Variants in SIN3A observed in about 807,000 individuals in gnomAD.
SIN3A encodes the protein SIN3 transcription regulator family member A.
In SIN3A, 14 loss-of-function variants were observed where a neutral mutation model predicts 146.1. The observed-to-expected ratio is 0.10, with a 90% confidence interval of 0.06 to 0.15. The LOEUF (loss-of-function observed/expected upper bound fraction) is 0.15. Ranked by LOEUF, SIN3A falls within the 10% of genes least tolerant of loss-of-function variation. The pLI is 1.00. For missense variants in SIN3A, 1,028 were observed against 1,576.0 expected (o/e 0.65, Z 5.89); for synonymous variants, 572 against 572.0 (o/e 1.00, Z 0.00).
chr15:75,438,639 T>C (rs549696265), intron 1 of SIN3A, among the ~76,000 whole-genome samples: 2 of 151,850 alleles, frequency 1.3e-5, no homozygotes, highest in African/African-American at 2.4e-5. Context: ...CAGTGAGCTG[T>C]GATTATGCCA....
chr15:75,380,079 C>A (rs999017926), intron 19 of SIN3A, among the ~76,000 whole-genome samples: 2 of 152,172 alleles, frequency 1.3e-5, no homozygotes, highest in African/African-American at 2.4e-5. Context: ...TTGGTACATG[C>A]TAGGCATACA....
At chr15:75,375,635 T>C in intron 20 of SIN3A, 30 bp downstream of exon 20, 1 of 1,569,034 alleles carries the variant, frequency 6.4e-7, no homozygotes, top group Non-Finnish European at 8.8e-7. Context: ...GTGGGAGATG[T>C]GTACAGAAAT....
chr15:75,411,641 T>G lies in SIN3A; in HGVS notation c.859A>C (p.Thr287Pro). The G allele has an allele frequency of 6.2e-7, 1 of 1,614,202 alleles. No homozygotes were observed. Residue 287 changes from threonine to proline, a missense_variant, in exon 6 of 21, where the codon ACA becomes CCA. Physicochemically the swap from Thr to Pro is conservative, Grantham distance 38. This residue lies in a region of SIN3A where 112 missense variants were observed against 135.7 expected (regional missense o/e 0.83). Coordinates refer to ENST00000394947, the MANE Select transcript of SIN3A (RefSeq NM_001145358.2). ...SPPVQPHTPVTISLGTAPSLQ... is the reference protein window; with the variant it reads ...SPPVQPHTPVPISLGTAPSLQ... ...GATGGGGCCGTTCCCAACGAGATTGTCACTGGTGTGTGAGGCTGGACCGGC... is the reference window on the plus strand; with the variant it reads ...GATGGGGCCGTTCCCAACGAGATTGGCACTGGTGTGTGAGGCTGGACCGGC...
In SIN3A at chr15:75,380,451, G is replaced by A. The variant is rs111531204; in HGVS notation, c.3383+178C>T. ...ACAACTCTCACCTCCCAGATGCTTT[G>A]ACACATGCTCCAGGTAAGCTCATGT... On this transcript the variant is annotated intron_variant, in intron 19 of 20. Coordinates refer to ENST00000394947, the MANE Select transcript of SIN3A (RefSeq NM_001145358.2). Among the ~76,000 whole-genome samples the A allele has an allele frequency of 2.6e-3, 391 of 152,276 alleles. 1 individual carries two copies. The highest frequency in any genetic ancestry group is 9.2e-3 in the African/African-American group (381 of 41,554).
intron 3 of SIN3A, chr15:75,422,319 T>C (rs2073853492): frequency 1.7e-6 from 1 of 583,172 alleles, no homozygotes; most frequent in Non-Finnish European, 3.0e-6. Flanking sequence ...GCCAATCATA[T>C]ATGTGCTCAA....
chr15:75,427,898 G>C (rs2073953115), intron 2 of SIN3A, among the ~76,000 whole-genome samples: 1 of 151,324 alleles, frequency 6.6e-6, no homozygotes. Flanking sequence ...TTGAGCCCGG[G>C]AGGCAGAGGT....
At chr15:75,384,859 G>T (rs1456700390) in intron 16 of SIN3A, among the ~76,000 whole-genome samples, 2 of 152,168 alleles carry the variant, frequency 1.3e-5, no homozygotes, top group African/African-American at 4.8e-5. Flanking sequence ...TAGACAGAGA[G>T]TTGGGGCCAG....
intron 1 of SIN3A, among the ~76,000 whole-genome samples, chr15:75,441,950 C>A (rs1458845054): frequency 6.6e-6 from 1 of 151,708 alleles, no homozygotes; most frequent in Non-Finnish European, 1.5e-5. Context: ...GAAACCCCAT[C>A]TGTACCAAAA....
rs771442604 is a variant in SIN3A, at chr15:75,401,962, C to T, written c.1416G>A (p.Lys472=). ...TESLFFDKVR[K]ALRSAEAYEN... ...CGTAGGCTTCTGCACTCCGAAGAGC[C>T]TTTCGGACCTTATGGAGACAACGGG... The change falls in exon 10 of 21, where the codon AAG becomes AAA. Residue 472 remains lysine, a synonymous_variant. Transcript: ENST00000394947. 6 of 1,601,718 alleles carry T rather than the reference C, an allele frequency of 3.7e-6. No homozygotes were observed. The highest frequency in any genetic ancestry group is 3.3e-5 in the South Asian group (3 of 90,636).
intron 5 of SIN3A, among the ~76,000 whole-genome samples, chr15:75,412,061 T>C (rs1024818757): frequency 6.6e-6 from 1 of 152,234 alleles, no homozygotes; most frequent in Non-Finnish European, 1.5e-5. Flanking sequence ...AAAAATCTCA[T>C]TCTACATAGC....
chr15:75,371,963 TG>T lies in SIN3A; in HGVS notation c.*15del. 6.2e-7 allele frequency: 1 copy of T among 1,609,952 alleles called. No individual in the cohort carries two copies. Among genetic ancestry groups the T allele is most frequent in the Non-Finnish European group, 8.5e-7 (1 of 1,176,172 alleles). ...ATCCCCACACACACCCCAAGTTATC[TG>T]CTCTGGCTTTGCAGTTAAGGGGCTT... On this transcript the variant is annotated 3_prime_UTR_variant, in exon 21 of 21. Transcript: ENST00000394947.
At chr15:75,412,495 C>T (rs1215388605) in intron 5 of SIN3A, among the ~76,000 whole-genome samples, 1 of 152,176 alleles carries the variant, frequency 6.6e-6, no homozygotes, top group African/African-American at 2.4e-5. Context: ...AAAGTCACCA[C>T]CTGTTGGGAT....
chr15:75,401,653 C>T (rs922358979), intron 10 of SIN3A, among the ~76,000 whole-genome samples, 199 bp downstream of exon 10: 1 of 152,134 alleles, frequency 6.6e-6, no homozygotes, highest in African/African-American at 2.4e-5. Context: ...GGCCATTAGT[C>T]GATAAATACT....
chr15:75,396,532 C>G, intron 12 of SIN3A, 36 bp from the exon 13 acceptor site: 1 of 1,448,858 alleles, frequency 6.9e-7, no homozygotes, highest in Non-Finnish European at 9.6e-7. Flanking sequence ...TGCTCAGGAC[C>G]CAAATCAAAA....
Position 75,384,288 on chromosome 15 carries a change from T to G in SIN3A, c.3171A>C (p.Leu1057=), listed in dbSNP as rs545728283. 6.2e-7 allele frequency: 1 copy of G among 1,612,852 alleles called. No homozygotes were observed. The highest frequency in any genetic ancestry group is 1.1e-5 in the South Asian group (1 of 90,950). Reference sequence around the variant, plus strand: ...CCTTAAAGCAATTCTCATCTGACATTAGCTGCTCAGCTTTCCGCTGATACG... The same window carrying G: ...CCTTAAAGCAATTCTCATCTGACATGAGCTGCTCAGCTTTCCGCTGATACG... The part of the protein sequence containing the change: ...ESTYQRKAEQ[L]MSDENCFKLM... The change falls in exon 17 of 21, where the codon CTA becomes CTC. Residue 1057 remains leucine, a synonymous_variant. Transcript: ENST00000394947.
intron 20 of SIN3A, among the ~76,000 whole-genome samples, chr15:75,373,232 G>C (rs1159239371): frequency 1.3e-5 from 2 of 152,148 alleles, no homozygotes; most frequent in Non-Finnish European, 2.9e-5. Flanking sequence ...AAAAAAATGA[G>C]CCAGGTGTGG....
rs2072720382 is a variant in SIN3A, at chr15:75,370,332, A to G, written c.*1647T>C. The G allele has an allele frequency of 6.6e-6, 1 of 152,164 alleles. No homozygotes were observed. Among genetic ancestry groups the G allele is most frequent in the Admixed American group, 6.5e-5 (1 of 15,272 alleles). 9.4% of individuals were successfully genotyped at this position (152,164 alleles called of 1,614,324 possible). On this transcript the variant is annotated 3_prime_UTR_variant, in exon 21 of 21. Transcript: ENST00000394947. ...GTTTTTCTTTTTGGTGGTGGTGGTG[A>G]TTTTTAACTAAAAAGCAAACATAAA...
rs866395489 is a variant in SIN3A at position 75,437,250 on chromosome 15, G to A, written c.-33-6842C>T. Reference sequence around the variant, plus strand: ...TGCAGCAGGGCTATCACGGCTCACCGCATCCCCAACCTCCTGGGCTCAAGT... The same window carrying A: ...TGCAGCAGGGCTATCACGGCTCACCACATCCCCAACCTCCTGGGCTCAAGT... On this transcript the variant is annotated intron_variant, in intron 1 of 20. Coordinates refer to ENST00000394947, the MANE Select transcript of SIN3A (RefSeq NM_001145358.2). Among the ~76,000 whole-genome samples the A allele has an allele frequency of 6.6e-5, 10 of 150,502 alleles. No individual in the cohort carries two copies. In the Middle Eastern group the frequency reaches 0.01, roughly 154 times the overall value.
intron 13 of SIN3A, among the ~76,000 whole-genome samples, chr15:75,395,601 A>G (rs1390269474): frequency 6.6e-6 from 1 of 152,240 alleles, no homozygotes; most frequent in East Asian, 1.9e-4. Flanking sequence ...CAGTGTGGTC[A>G]ATAATGACAT....
Sources: gnomAD v4.1 joint callset for allele counts (sites outside exome capture counted in the v4.1 genomes callset) on GRCh38, gnomAD v4.1.1 for gene constraint, gnomAD v4.1.1 regional missense constraint, MANE v1.5 for transcripts, NCBI Gene and HGNC (gene_info 2026-07-23, HGNC 2026-07-21) for gene names.